BBS9: variants seen among roughly 807,000 people sequenced by gnomAD.
BBS9 encodes the protein protein PTHB1.
BBS9 carries 89 observed loss-of-function variants against 117.7 expected under a neutral mutation model. The ratio of observed to expected loss-of-function variants is 0.76; its 90% CI spans 0.64 to 0.90. The LOEUF (loss-of-function observed/expected upper bound fraction) is 0.90. Ranked by LOEUF, BBS9 falls within the 40% of genes least tolerant of loss-of-function variation. The pLI is 0.00. For missense variants in BBS9, 982 were observed against 1,042.2 expected, an observed-to-expected ratio of 0.94 and a Z score of 0.80; for synonymous variants, 379 against 370.9, an observed-to-expected ratio of 1.02 and a Z score of -0.25.
rs755824722 is a variant in BBS9 at position 33,346,077 on chromosome 7, T to C, written c.1329+1443T>C. 2.1e-5 allele frequency: 6 copies of C among 291,650 alleles called. 1 individual carries two copies. Among genetic ancestry groups the C allele is most frequent in the South Asian group, 9.7e-5 (3 of 30,890 alleles). 18.1% of individuals were successfully genotyped at this position (291,650 alleles called of 1,614,324 possible). A position where few individuals can be genotyped will look rare whatever the true frequency, so the allele number is the denominator to read the frequency against. The stretch of plus-strand genomic sequence containing the variant: ...TCACAACTGTCTTTCTCATTGCCAT[T>C]ATAAAAGCATGAGAAAGAATGCAAC... On this transcript the variant is annotated intron_variant, in intron 12 of 22. Coordinates refer to ENST00000242067, the MANE Select transcript of BBS9 (RefSeq NM_198428.3).
At chr7:33,276,979 G>T in intron 9 of BBS9, 1 of 243,732 alleles carries the variant, frequency 4.1e-6, no homozygotes. Flanking sequence ...GGGGTCTGTG[G>T]TGGTGGAGAC....
intron 19 of BBS9, among the ~76,000 whole-genome samples, chr7:33,492,887 A>C (rs1344743803): frequency 1.3e-5 from 2 of 150,328 alleles, no homozygotes; most frequent in Non-Finnish European, 3.0e-5. Context: ...GGCACAGTGG[A>C]AAATGCTTGG....
chr7:33,309,505 A>C (rs1254180365), intron 9 of BBS9, among the ~76,000 whole-genome samples: 2 of 152,218 alleles, frequency 1.3e-5, no homozygotes, highest in African/African-American at 4.8e-5. Context: ...CTTTTTATAT[A>C]GGGGCATGAA....
intron 19 of BBS9, among the ~76,000 whole-genome samples, chr7:33,397,163 A>T (rs1346319298): frequency 6.6e-6 from 1 of 152,240 alleles, no homozygotes; most frequent in Non-Finnish European, 1.5e-5. Flanking sequence ...GGCAAAGGAC[A>T]TGAACAGACA....
intron 21 of BBS9, among the ~76,000 whole-genome samples, chr7:33,614,295 A>G (rs1361184525): frequency 6.6e-6 from 1 of 152,064 alleles, no homozygotes; most frequent in East Asian, 1.9e-4. Flanking sequence ...AAATACAATA[A>G]CGTGACACAT....
intron 9 of BBS9, among the ~76,000 whole-genome samples, chr7:33,316,281 G>T (rs1270399496): frequency 6.6e-6 from 1 of 152,104 alleles, no homozygotes; most frequent in Non-Finnish European, 1.5e-5. Flanking sequence ...CTGTGTTGTT[G>T]CATGTAACAG....
intron 5 of BBS9, among the ~76,000 whole-genome samples, chr7:33,188,451 C>A (rs1783523921): frequency 6.6e-6 from 1 of 152,152 alleles, no homozygotes; most frequent in Non-Finnish European, 1.5e-5. Flanking sequence ...CAATTATTTT[C>A]TTTAGCTACC....
intron 5 of BBS9, among the ~76,000 whole-genome samples, chr7:33,234,761 GA>G (rs1186341984): frequency 1.3e-5 from 2 of 151,320 alleles, no homozygotes; most frequent in Non-Finnish European, 3.0e-5. Context: ...GTGTATATAT[GA>G]ATATTTGAAT....
intron 5 of BBS9, among the ~76,000 whole-genome samples, chr7:33,252,396 CCT>C (rs1439134318): frequency 6.6e-6 from 1 of 152,178 alleles, no homozygotes; most frequent in Non-Finnish European, 1.5e-5. Flanking sequence ...ACTTTTTCAT[CCT>C]ATCATGCTAA....
intron 19 of BBS9, among the ~76,000 whole-genome samples, chr7:33,466,172 A>C (rs950893524): frequency 3.3e-5 from 5 of 152,208 alleles, no homozygotes; most frequent in African/African-American, 1.2e-4. Context: ...AAAACTTAAG[A>C]TCAACTCTCT....
At chr7:33,436,430 A>G (rs1163203845) in intron 19 of BBS9, among the ~76,000 whole-genome samples, 1 of 152,202 alleles carries the variant, frequency 6.6e-6, no homozygotes, top group African/African-American at 2.4e-5. Flanking sequence ...TCTGTCTTCT[A>G]ACTTCAGGTG....
At chr7:33,462,001 C>T (rs11977450) in intron 19 of BBS9, among the ~76,000 whole-genome samples, 26,941 of 151,868 alleles carry the variant, frequency 0.18, 2,594 homozygotes, top group South Asian at 0.25. Context: ...TATCTAAGGT[C>T]GTTTTAATTT....
intron 9 of BBS9, among the ~76,000 whole-genome samples, chr7:33,289,331 T>G (rs1002294505): frequency 6.6e-6 from 1 of 152,334 alleles, no homozygotes; most frequent in East Asian, 1.9e-4. Context: ...GGAAAACTAA[T>G]GATGCAGCCA....
chr7:33,428,075 G>A (rs115936718), intron 19 of BBS9, among the ~76,000 whole-genome samples: 1,578 of 152,224 alleles, frequency 0.01, 25 homozygotes, highest in African/African-American at 0.036. Flanking sequence ...TTGAGCTGAG[G>A]GTGACCATGT....
At chr7:33,229,805 T>C (rs776618481) in intron 5 of BBS9, among the ~76,000 whole-genome samples, 14 of 152,190 alleles carry the variant, frequency 9.2e-5, no homozygotes, top group Non-Finnish European at 1.5e-4. Context: ...ATGTGATCAT[T>C]CTATTTTTAA....
chr7:33,322,356 C>CTTTT (rs35411730), intron 9 of BBS9, among the ~76,000 whole-genome samples: 75 of 74,132 alleles, frequency 1.0e-3, no homozygotes, highest in East Asian at 3.1e-3. Context: ...GGGTCTCAGG[C>CTTTT]TTTTTTTTTT....
chr7:33,273,991 G>C (rs1038663937), intron 9 of BBS9, 35 bp downstream of exon 9: 1 of 1,608,682 alleles, frequency 6.2e-7, no homozygotes, highest in Non-Finnish European at 8.5e-7. Context: ...TTTTAAAGAG[G>C]ATGTTAGTCA....
At chr7:33,215,249 CA>C (rs1788832057) in intron 5 of BBS9, among the ~76,000 whole-genome samples, 5 of 152,146 alleles carry the variant, frequency 3.3e-5, no homozygotes, top group Non-Finnish European at 5.9e-5. Context: ...AAATATATGA[CA>C]AAGCTATAGT....
chr7:33,196,068 C>A (rs565023780), intron 5 of BBS9, among the ~76,000 whole-genome samples: 4 of 152,048 alleles, frequency 2.6e-5, no homozygotes, highest in East Asian at 1.9e-4. Flanking sequence ...CTTCTATAAG[C>A]TTGTATGGGA....
Sources: allele counts gnomAD v4.1 joint callset (sites outside exome capture counted in the v4.1 genomes callset), GRCh38; gene constraint gnomAD v4.1.1; transcripts MANE v1.5; gene names NCBI Gene and HGNC (gene_info 2026-07-23, HGNC 2026-07-21).